Variants in POLE observed in about 807,000 individuals in gnomAD.
POLE encodes the protein DNA polymerase epsilon, catalytic subunit, also known as DNA polymerase epsilon catalytic subunit A.
Under a neutral mutation model 279.2 loss-of-function variants are expected in POLE, and 188 were observed. The observed-to-expected ratio is 0.67, with a 90% CI of 0.60 to 0.76. POLE has a LOEUF of 0.76. Among genes scored for constraint, POLE ranks in the 30% least tolerant of loss-of-function variants. POLE has a pLI of 0.00. For missense variants in POLE, 2,703 were observed against 3,016.7 expected (o/e 0.90, Z 2.44); for synonymous variants, 1,214 against 1,172.5 (o/e 1.04, Z -0.72).
chr12:132,681,546 T>C (rs2136036297), intron 1 of POLE, among the ~76,000 whole-genome samples: 1 of 152,206 alleles, frequency 6.6e-6, no homozygotes, highest in South Asian at 2.1e-4. Context: ...GGTTTCACCG[T>C]GTTAGCCAGG....
At chr12:132,642,078 A>G in intron 38 of POLE, 99 bp downstream of exon 38, 1 of 1,185,940 alleles carries the variant, frequency 8.4e-7, no homozygotes, top group Non-Finnish European at 1.2e-6. Context: ...GCGCGGTCGA[A>G]CTCTGAGCCC....
rs1480095572 is a variant in POLE, at chr12:132,685,048, G to C, written c.62+2206C>G. ...CTGGTTACTGTATCACACAATCCCA[G>C]TACTCCACAGGCTCTCATTCACAGA... is the stretch of plus-strand genomic sequence containing the variant. On this transcript the variant is annotated intron_variant, in intron 1 of 48. Coordinates refer to ENST00000320574, the MANE Select transcript of POLE (RefSeq NM_006231.4). 2.4e-5 allele frequency among the ~76,000 whole-genome samples: 2 copies of C among 83,964 alleles called. 1 individual carries two copies. The highest frequency in any genetic ancestry group is 5.5e-5 in the Non-Finnish European group (2 of 36,184). 55.1% of individuals were successfully genotyped at this position (83,964 alleles called of 152,430 possible). A position where few individuals can be genotyped will look rare whatever the true frequency, so the allele number is the denominator to read the frequency against.
intron 32 of POLE, among the ~76,000 whole-genome samples, chr12:132,646,978 T>A (rs1165731936): frequency 6.6e-6 from 1 of 152,158 alleles, no homozygotes; most frequent in Non-Finnish European, 1.5e-5. Context: ...GGATTACAGA[T>A]ATGCAGCACT....
chr12:132,651,630 G>A (rs982103419), intron 29 of POLE, among the ~76,000 whole-genome samples: 2 of 152,238 alleles, frequency 1.3e-5, no homozygotes, highest in Non-Finnish European at 2.9e-5. Flanking sequence ...TTCCCTGAGT[G>A]GGGGTGGGAC....
At chr12:132,655,120 G>C (rs565556165) in intron 29 of POLE, among the ~76,000 whole-genome samples, 1 of 152,172 alleles carries the variant, frequency 6.6e-6, no homozygotes, top group South Asian at 2.1e-4. Flanking sequence ...TGGATCTGTT[G>C]TTCTCTAACT....
chr12:132,626,343 G>A (rs2041839917), intron 45 of POLE, 26 bp from the exon 46 acceptor site: 1 of 1,611,424 alleles, frequency 6.2e-7, no homozygotes, highest in Non-Finnish European at 8.5e-7. Flanking sequence ...CCCACATCGG[G>A]AAGGAGCTCC....
rs771963023 is a variant in POLE at position 132,673,590 on chromosome 12, G to A, written c.1344C>T (p.Ala448=). 7 of 1,612,824 alleles carry A rather than the reference G, an allele frequency of 4.3e-6. No individual in the cohort carries two copies. The highest frequency in any genetic ancestry group is 5.9e-6 in the Non-Finnish European group (7 of 1,179,982). The change falls in exon 13 of 49, where the codon GCC becomes GCT. Residue 448 remains alanine (A), a synonymous_variant. Coordinates refer to ENST00000320574, the MANE Select transcript of POLE (RefSeq NM_006231.4). The stretch of plus-strand genomic sequence containing the variant: ...GCTTACGTGCCTGGGGCTGCTCCGT[G>A]GCCATCCGGCACATGTCCTCCGGGT... ...ELDPEDMCRM[A]TEQPQTLATY...
intron 41 of POLE, among the ~76,000 whole-genome samples, chr12:132,637,574 C>T (rs1232136836): frequency 6.6e-6 from 1 of 151,996 alleles, no homozygotes; most frequent in African/African-American, 2.4e-5. Context: ...AAAACCACAC[C>T]AGGCTCTGAC....
Position 132,652,314 on chromosome 12 carries a change from C to CG in POLE, c.3583-2426_3583-2425insC, listed in dbSNP as rs746218310. Among the ~76,000 whole-genome samples, 36 of 111,180 alleles carry CG rather than the reference C, an allele frequency of 3.2e-4. 1 individual carries two copies. The highest frequency in any genetic ancestry group is 1.1e-4 in the Admixed American group (1 of 9,268). The allele number at this position is 111,180 out of a possible 152,430, so 72.9% of individuals were successfully genotyped here. A position where few individuals can be genotyped will look rare whatever the true frequency, so the allele number is the denominator to read the frequency against. On this transcript the variant is annotated intron_variant, in intron 29 of 48. Coordinates refer to ENST00000320574, the MANE Select transcript of POLE (RefSeq NM_006231.4). ...GTTGTTTACCAAAGATTGTAGTTTC[C>CG]TTTTTTTTTTTTTTTTTTTTTTTAA...
chr12:132,636,160 C>T (rs2042028364), intron 41 of POLE, 136 bp from the exon 42 acceptor site: 4 of 910,512 alleles, frequency 4.4e-6, no homozygotes, highest in Non-Finnish European at 6.3e-6. Flanking sequence ...ACCACATCAT[C>T]CCTCAGGCTT....
intron 45 of POLE, among the ~76,000 whole-genome samples, chr12:132,626,620 C>CTAG (rs2041845045): frequency 6.6e-6 from 1 of 152,078 alleles, no homozygotes; most frequent in Admixed American, 6.5e-5. Flanking sequence ...TCCCCTGATA[C>CTAG]TAGAACCAAA....
At chr12:132,654,297 T>A (rs181158525) in intron 29 of POLE, among the ~76,000 whole-genome samples, 125 of 152,206 alleles carry the variant, frequency 8.2e-4, no homozygotes, top group African/African-American at 2.7e-3. Flanking sequence ...GGTCTCGAAC[T>A]CCTGGGCTCA....
At chr12:132,644,103 A>G in intron 32 of POLE, 126 bp from the exon 33 acceptor site, 1 of 810,304 alleles carries the variant, frequency 1.2e-6, no homozygotes, top group Non-Finnish European at 2.0e-6. Context: ...TACACCCACC[A>G]CGCCACAGTC....
At chr12:132,682,291 C>CAAAAAAAAAAAA (rs759276322) in intron 1 of POLE, among the ~76,000 whole-genome samples, 2 of 120,486 alleles carry the variant, frequency 1.7e-5, no homozygotes, top group African/African-American at 6.8e-5. Flanking sequence ...GAGACTCCGG[C>CAAAAAAAAAAAA]AAAAAAAAAA....
rs936449856 is a variant in POLE at position 132,674,447 on chromosome 12, G to A, written c.1227-740C>T. Among the ~76,000 whole-genome samples the A allele has an allele frequency of 3.9e-5, 6 of 152,068 alleles. No individual in the cohort carries two copies. In the South Asian group the frequency reaches 1.2e-3, roughly 32 times the overall value. ...AACCAAGCCTCATGGTGGTCTTCAGGGCCCCCATATGGGTGGGGCTTCCAG... is the reference window on the plus strand; with the variant it reads ...AACCAAGCCTCATGGTGGTCTTCAGAGCCCCCATATGGGTGGGGCTTCCAG... On this transcript the variant is annotated intron_variant, in intron 12 of 48. Coordinates refer to ENST00000320574, the MANE Select transcript of POLE (RefSeq NM_006231.4).
chr12:132,657,547 T>G, intron 27 of POLE, 118 bp from the exon 28 acceptor site: 3 of 874,494 alleles, frequency 3.4e-6, no homozygotes, highest in South Asian at 3.2e-5. Flanking sequence ...TCAGAAACTC[T>G]ATGATGAAAG....
At chr12:132,673,363 G>T in intron 13 of POLE, 86 bp from the exon 14 acceptor site, 1 of 1,184,386 alleles carries the variant, frequency 8.4e-7, no homozygotes, top group South Asian at 1.2e-5. Context: ...AGCCTGGCCT[G>T]ACCAGCCTGC....
chr12:132,660,851 G>T, intron 25 of POLE, 118 bp downstream of exon 25: 2 of 740,042 alleles, frequency 2.7e-6, no homozygotes, highest in Non-Finnish European at 2.2e-6. Flanking sequence ...GATTTCATTA[G>T]GACTGGCCCT....
rs878854884 is a variant in POLE, at chr12:132,679,523, G to A, written c.552C>T (p.Ser184=). 1.6e-5 allele frequency: 26 copies of A among 1,613,496 alleles called. No individual in the cohort carries two copies. The highest frequency in any genetic ancestry group is 4.0e-5 in the African/African-American group (3 of 74,904). ...VKKNREQDHA[S]DAYTALLSSV... is the part of the protein sequence containing the mutation. ...TGGAAAGCAGAGCTGTGTACGCGTC[G>A]CTGGCGTGATCCTGCTCCCTGTTCT... The change falls in exon 6 of 49, where the codon AGC becomes AGT. Residue 184 remains serine, a synonymous_variant. Transcript: ENST00000320574.
Sources: allele counts gnomAD v4.1 joint callset (sites outside exome capture counted in the v4.1 genomes callset), GRCh38; gene constraint gnomAD v4.1.1; transcripts MANE v1.5; gene names NCBI Gene and HGNC (gene_info 2026-07-23, HGNC 2026-07-21).